Variants in TSPAN5 observed in about 807,000 individuals in gnomAD.
TSPAN5 encodes the protein tetraspanin 5.
In TSPAN5, 10 loss-of-function variants were observed where a neutral mutation model predicts 37.1. That is an observed-to-expected ratio of 0.27 (90% CI 0.17 to 0.46). TSPAN5 has a LOEUF of 0.46. Ranked by LOEUF, TSPAN5 falls within the 20% of genes least tolerant of loss-of-function variation. TSPAN5 has a pLI of 1.00. For synonymous variants in TSPAN5, 110 were observed against 118.9 expected (o/e 0.93, Z 0.48); for missense variants, 195 against 326.6 (o/e 0.60, Z 3.11).
intron 1 of TSPAN5, among the ~76,000 whole-genome samples, chr4:98,603,120 G>C (rs1755923085): frequency 6.6e-6 from 1 of 152,116 alleles, no homozygotes; most frequent in Admixed American, 6.5e-5. Flanking sequence ...ATTCTCAAAA[G>C]TCTCAGGTTC....
intron 1 of TSPAN5, among the ~76,000 whole-genome samples, chr4:98,522,678 T>C (rs1170574726): frequency 1.3e-5 from 2 of 152,188 alleles, no homozygotes; most frequent in Non-Finnish European, 2.9e-5. Flanking sequence ...CAGAGGCAAT[T>C]AGTCCTTTGT....
At chr4:98,544,763 T>G (rs1264420121) in intron 1 of TSPAN5, among the ~76,000 whole-genome samples, 2 of 152,164 alleles carry the variant, frequency 1.3e-5, no homozygotes, top group East Asian at 3.8e-4. Context: ...AAGGAAGGGA[T>G]GACACATCTT....
Position 98,515,335 on chromosome 4 carries a change from C to T in TSPAN5, c.82-7607G>A, listed in dbSNP as rs1343127224. Among the ~76,000 whole-genome samples the T allele has an allele frequency of 2.6e-5, 4 of 152,160 alleles. 1 individual carries two copies. The highest frequency in any genetic ancestry group is 5.9e-5 in the Non-Finnish European group (4 of 68,034). ...GCAATTGTGTGTGTTGATGTGACCA[C>T]GTGAGCACTGAGTGCTTGGCAAGTA... On this transcript the variant is annotated intron_variant, in intron 1 of 7. Transcript: ENST00000305798.
intron 7 of TSPAN5, among the ~76,000 whole-genome samples, chr4:98,475,574 G>A (rs969373446): frequency 6.6e-6 from 1 of 152,140 alleles, no homozygotes; most frequent in African/African-American, 2.4e-5. Context: ...GTATTTTTGA[G>A]CCCATGTAAA....
At chr4:98,654,857 GTTTT>G (rs200304430) in intron 1 of TSPAN5, among the ~76,000 whole-genome samples, 2 of 151,936 alleles carry the variant, frequency 1.3e-5, no homozygotes, top group Admixed American at 1.3e-4. Context: ...GCTTTGTTTT[GTTTT>G]TTTTGAGACG....
chr4:98,568,143 A>G (rs957761063), intron 1 of TSPAN5, among the ~76,000 whole-genome samples: 1 of 152,192 alleles, frequency 6.6e-6, no homozygotes, highest in African/African-American at 2.4e-5. Flanking sequence ...CCTATGAGAT[A>G]GGCAAGATGG....
chr4:98,537,254 G>A (rs559645970), intron 1 of TSPAN5, among the ~76,000 whole-genome samples: 8 of 152,202 alleles, frequency 5.3e-5, no homozygotes, highest in Admixed American at 3.3e-4. Context: ...GAAATTCCGC[G>A]ACCCCTTGCG....
In TSPAN5 at chr4:98,612,308, G is replaced by C. The variant is rs78668717; in HGVS notation, c.81+45838C>G. On this transcript the variant is annotated intron_variant, in intron 1 of 7. Transcript: ENST00000305798. The stretch of plus-strand genomic sequence containing the variant: ...TTCCAAGCAATACAAAAGGGTTGTA[G>C]GTGAATGAAGGCTTACAGCCCAGTC... 8.2e-3 allele frequency among the ~76,000 whole-genome samples: 1,252 copies of C among 152,236 alleles called. 24 individuals are homozygous for C. The highest frequency in any genetic ancestry group is 0.029 in the African/African-American group (1,211 of 41,540).
chr4:98,607,276 C>T (rs573362983), intron 1 of TSPAN5, among the ~76,000 whole-genome samples: 1 of 152,196 alleles, frequency 6.6e-6, no homozygotes, highest in African/African-American at 2.4e-5. Flanking sequence ...ACCACACATC[C>T]GGAGATGGGT....
At chr4:98,575,771 CAAAA>C (rs35433252) in intron 1 of TSPAN5, among the ~76,000 whole-genome samples, 13,311 of 141,904 alleles carry the variant, frequency 0.094, 690 homozygotes, top group South Asian at 0.22. Context: ...CCCCACCCCA[CAAAA>C]AAAAAAAAAA....
At chr4:98,614,986 T>C (rs1756287710) in intron 1 of TSPAN5, among the ~76,000 whole-genome samples, 1 of 152,182 alleles carries the variant, frequency 6.6e-6, no homozygotes, top group Non-Finnish European at 1.5e-5. Context: ...TTAATTCAAG[T>C]GTCTACTTCA....
chr4:98,625,652 A>G (rs984981281), intron 1 of TSPAN5, among the ~76,000 whole-genome samples: 1 of 152,224 alleles, frequency 6.6e-6, no homozygotes, highest in Non-Finnish European at 1.5e-5. Flanking sequence ...ACTTGCTATT[A>G]CTATCTTTAA....
Position 98,527,238 on chromosome 4 carries a change from C to T in TSPAN5, c.82-19510G>A, listed in dbSNP as rs72893034. Among the ~76,000 whole-genome samples the T allele has an allele frequency of 9.6e-3, 1,458 of 152,182 alleles. 27 individuals carry two copies. The highest frequency in any genetic ancestry group is 0.033 in the African/African-American group (1,353 of 41,506). ...CCAAAGCTCATAATGTTAAAAAGGA[C>T]ACAAAAGAAAATTATGAAATGATCA... On this transcript the variant is annotated intron_variant, in intron 1 of 7. Coordinates refer to ENST00000305798, the MANE Select transcript of TSPAN5 (RefSeq NM_005723.4).
chr4:98,656,507 C>T (rs1757297483), intron 1 of TSPAN5, among the ~76,000 whole-genome samples: 1 of 152,182 alleles, frequency 6.6e-6, no homozygotes, highest in Non-Finnish European at 1.5e-5. Flanking sequence ...CGTGGCTACC[C>T]ACCACTTTTA....
intron 7 of TSPAN5, among the ~76,000 whole-genome samples, chr4:98,473,671 G>T (rs1423677806): frequency 2.6e-5 from 4 of 152,140 alleles, no homozygotes; most frequent in African/African-American, 9.7e-5. Context: ...TTGTTAGCCA[G>T]GATGGTCTCG....
intron 1 of TSPAN5, among the ~76,000 whole-genome samples, chr4:98,556,037 A>ACCCCCC (rs374997947): frequency 1.6e-5 from 1 of 63,396 alleles, no homozygotes; most frequent in African/African-American, 7.9e-5. Context: ...CACACACAGC[A>ACCCCCC]CCCCCACACA....
At chr4:98,600,304 T>G (rs1283067028) in intron 1 of TSPAN5, among the ~76,000 whole-genome samples, 2 of 152,162 alleles carry the variant, frequency 1.3e-5, no homozygotes, top group Admixed American at 1.3e-4. Flanking sequence ...TTTCTTAAAA[T>G]AAGACAACAA....
At position 98,635,151 on chromosome 4, in the gene TSPAN5, A is replaced by T. The variant is rs138333657; in HGVS notation, c.81+22995T>A. Among the ~76,000 whole-genome samples, 249 of 152,328 alleles carry T rather than the reference A, an allele frequency of 1.6e-3. 1 individual carries two copies. Among genetic ancestry groups the T allele is most frequent in the African/African-American group, 5.7e-3 (239 of 41,568 alleles). ...AAAAATATTAGTTGACATTTAGCTA[A>T]TTTTACAGTTAACGAAGCACTCTCA... On this transcript the variant is annotated intron_variant, in intron 1 of 7. Coordinates refer to ENST00000305798, the MANE Select transcript of TSPAN5 (RefSeq NM_005723.4).
chr4:98,470,712 G>C lies in TSPAN5; in HGVS notation c.*1810C>G, dbSNP rs770496718. 6.6e-6 allele frequency: 1 copy of C among 152,206 alleles called. No homozygotes were observed. The highest frequency in any genetic ancestry group is 1.5e-5 in the Non-Finnish European group (1 of 68,048). 9.4% of individuals were successfully genotyped at this position (152,206 alleles called of 1,614,324 possible). A position where few individuals can be genotyped will look rare whatever the true frequency, so the allele number is the denominator to read the frequency against. ...AGATGTGAATACCTCTACCTATACAGAGACAAAAACACACACATGCAGAGC... is the reference window on the plus strand; with the variant it reads ...AGATGTGAATACCTCTACCTATACACAGACAAAAACACACACATGCAGAGC... On this transcript the variant is annotated 3_prime_UTR_variant, in exon 8 of 8. Coordinates refer to ENST00000305798, the MANE Select transcript of TSPAN5 (RefSeq NM_005723.4).
Sources: allele counts gnomAD v4.1 joint callset (sites outside exome capture counted in the v4.1 genomes callset), GRCh38; gene constraint gnomAD v4.1.1; transcripts MANE v1.5; gene names NCBI Gene and HGNC (gene_info 2026-07-23, HGNC 2026-07-21).